RPAP1: variants seen among roughly 807,000 people sequenced by gnomAD.
RPAP1 encodes RNA polymerase II-associated protein 1.
RPAP1 carries 109 observed loss-of-function variants against 142.4 expected under a neutral mutation model. That is an observed-to-expected ratio of 0.77 (90% CI 0.66 to 0.90). The LOEUF is 0.90. Ranked by LOEUF, RPAP1 falls within the 40% of genes least tolerant of loss-of-function variation. The probability of loss-of-function intolerance (pLI) is 0.00; values close to 1 mark genes in which losing one functional copy is unlikely to be tolerated. For missense variants in RPAP1, 1,546 were observed against 1,751.7 expected, an observed-to-expected ratio of 0.88 and a Z score of 2.10; for synonymous variants, 704 against 738.9, an observed-to-expected ratio of 0.95 and a Z score of 0.77.
chr15:41,537,608 G>A (rs561120591), intron 1 of RPAP1, among the ~76,000 whole-genome samples: 4 of 152,314 alleles, frequency 2.6e-5, no homozygotes, highest in South Asian at 2.1e-4. Flanking sequence ...GTGGCCAGGC[G>A]CAGTGGCTCA....
intron 7 of RPAP1, 80 bp downstream of exon 7, chr15:41,530,943 C>T (rs761422096): frequency 1.3e-5 from 18 of 1,371,398 alleles, no homozygotes; most frequent in Admixed American, 2.1e-5. Flanking sequence ...CTTCTCTCTT[C>T]TCTCATTTGC....
chr15:41,535,929 A>C (rs2051901600), intron 4 of RPAP1, among the ~76,000 whole-genome samples, 200 bp downstream of exon 4: 1 of 152,208 alleles, frequency 6.6e-6, no homozygotes, highest in Admixed American at 6.5e-5. Context: ...AGGACTCCTC[A>C]TCCCCAAGGT....
In RPAP1 at chr15:41,537,167, A is replaced by G. The variant is rs765321222; in HGVS notation, c.-42T>C. 6 of 1,587,580 alleles carry G rather than the reference A, an allele frequency of 3.8e-6. No individual in the cohort carries two copies. Among genetic ancestry groups the G allele is most frequent in the Non-Finnish European group, 4.3e-6 (5 of 1,165,088 alleles). On this transcript the variant is annotated 5_prime_UTR_variant, in exon 2 of 25. Transcript: ENST00000304330. ...CCTCCCCAGTACGACTCTCTCCAGC[A>G]GTGTCTCCGTGTGGGGGTTCCCTCT...
chr15:41,533,626 C>T (rs1386063069), intron 6 of RPAP1, among the ~76,000 whole-genome samples: 1 of 151,814 alleles, frequency 6.6e-6, no homozygotes, highest in Non-Finnish European at 1.5e-5. Context: ...GTCAAGAGTT[C>T]GAAACCAGCC....
At chr15:41,526,683 A>G (rs2051793505) in intron 14 of RPAP1, among the ~76,000 whole-genome samples, 2 of 152,184 alleles carry the variant, frequency 1.3e-5, no homozygotes, top group Admixed American at 1.3e-4. Context: ...TTACATCATG[A>G]GACCACAGTA....
Position 41,521,813 on chromosome 15 carries a change from C to G in RPAP1, c.2963G>C (p.Ser988Thr). ...LYHGMALALL[S>T]RLLPGSEYLT... The stretch of plus-strand genomic sequence containing the variant: ...GTACTCACTTCCGGGCAGCAGCCGG[C>G]TCAGCAGGGCCAAGGCCATACCATG... Residue 988 changes from serine (S) to threonine (T), a missense_variant, in exon 21 of 25, where the codon AGC becomes ACC. Physicochemically the swap from Ser to Thr is moderately conservative, Grantham distance 58 (BLOSUM62 1). Coordinates refer to ENST00000304330, the MANE Select transcript of RPAP1 (RefSeq NM_015540.4). The G allele has an allele frequency of 6.2e-7, 1 of 1,614,170 alleles. No homozygotes were observed. Among genetic ancestry groups the G allele is most frequent in the Non-Finnish European group, 8.5e-7 (1 of 1,180,030 alleles).
chr15:41,539,638 C>T (rs1228738734), intron 1 of RPAP1, among the ~76,000 whole-genome samples: 1 of 152,076 alleles, frequency 6.6e-6, no homozygotes, highest in African/African-American at 2.4e-5. Flanking sequence ...CCATGTTGTA[C>T]AGGCTGGTCT....
chr15:41,519,460 C>T (rs2051702147), intron 22 of RPAP1: 1 of 152,168 alleles, frequency 6.6e-6, no homozygotes, highest in African/African-American at 2.4e-5. Context: ...ATCCGCCCAC[C>T]TCGGCCTCCC....
chr15:41,517,507 A>G lies in RPAP1; in HGVS notation c.*35T>C. 1 of 1,510,194 alleles carries G rather than the reference A, an allele frequency of 6.6e-7. No homozygotes were observed. The highest frequency in any genetic ancestry group is 8.9e-7 in the Non-Finnish European group (1 of 1,124,250). 93.5% of individuals were successfully genotyped at this position (1,510,194 alleles called of 1,614,324 possible). ...CATCTGTTGAAAGGCTGGATACAGG[A>G]CAACGTACCCATCTTTCCATCTATA... On this transcript the variant is annotated 3_prime_UTR_variant, in exon 25 of 25. Coordinates refer to ENST00000304330, the MANE Select transcript of RPAP1 (RefSeq NM_015540.4).
chr15:41,521,738 G>C lies in RPAP1; in HGVS notation c.3038C>G (p.Pro1013Arg). ...LSCVFRLEFLPERTSGGPEAA... is the reference protein window; with the variant it reads ...LSCVFRLEFLRERTSGGPEAA... ...TTGATGCCACCAACCAAGCACTTAC[G>C]GGAGGAACTCCAGCCGGAATACACA... is the stretch of plus-strand genomic sequence containing the variant. Residue 1013 changes from proline to arginine, a missense_variant and splice_region_variant, in exon 21 of 25, where the codon CCG becomes CGG. By Grantham distance (103) the Pro-to-Arg change is moderately radical (BLOSUM62 -2). This residue lies in a region of RPAP1 where 1,333 missense variants were observed against 1,486.6 expected (regional missense o/e 0.90). Transcript: ENST00000304330. 11 of 1,614,010 alleles carry C rather than the reference G, an allele frequency of 6.8e-6. No individual in the cohort carries two copies. Among genetic ancestry groups the C allele is most frequent in the Non-Finnish European group, 8.5e-6 (10 of 1,180,004 alleles).
intron 4 of RPAP1, among the ~76,000 whole-genome samples, chr15:41,535,917 T>A (rs1225842202): frequency 1.3e-5 from 2 of 152,186 alleles, no homozygotes; most frequent in African/African-American, 4.8e-5. Flanking sequence ...AAAATGGGAA[T>A]AAGGACTCCT....
chr15:41,519,660 GTTA>G (rs1007978393), intron 22 of RPAP1: 4 of 152,140 alleles, frequency 2.6e-5, no homozygotes, highest in Admixed American at 2.0e-4. Context: ...TTTTGCTTAT[GTTA>G]TTCTGTTAGG....
Position 41,529,927 on chromosome 15 carries a change from G to A in RPAP1, c.996C>T (p.Val332=), listed in dbSNP as rs543395677. The A allele has an allele frequency of 1.7e-5, 27 of 1,614,044 alleles. No homozygotes were observed. In the Admixed American group the frequency reaches 2.3e-4, roughly 14 times the overall value. ...GGGTCCAGTGGAGCTTCTCCAGCTC[G>A]ACAGTGTCCATGTGCAGCCATTCTT... The part of the protein sequence containing the change: ...PQKEWLHMDT[V]ELEKLHWTQD... Residue 332 remains valine, a synonymous_variant, in exon 8 of 25, where the codon GTC becomes GTT. Coordinates refer to ENST00000304330, the MANE Select transcript of RPAP1 (RefSeq NM_015540.4).
chr15:41,530,697 T>C (rs746694978), intron 7 of RPAP1, among the ~76,000 whole-genome samples: 6 of 152,136 alleles, frequency 3.9e-5, no homozygotes, highest in Non-Finnish European at 7.4e-5. Context: ...AACAGTGGGA[T>C]GGACAGAGCC....
chr15:41,535,401 G>A, intron 5 of RPAP1, 111 bp downstream of exon 5: 2 of 1,434,312 alleles, frequency 1.4e-6, no homozygotes, highest in Non-Finnish European at 1.9e-6. Flanking sequence ...GACTACTTGA[G>A]ATGGCTCAAA....
At chr15:41,542,525 A>G (rs1325467952) in intron 1 of RPAP1, among the ~76,000 whole-genome samples, 2 of 152,226 alleles carry the variant, frequency 1.3e-5, no homozygotes, top group Non-Finnish European at 2.9e-5. Context: ...TTTGGCATAG[A>G]ACTTGTATTA....
chr15:41,518,806 A>G (rs1039022314), intron 22 of RPAP1, among the ~76,000 whole-genome samples: 2 of 152,218 alleles, frequency 1.3e-5, no homozygotes, highest in Admixed American at 6.5e-5. Flanking sequence ...TCATCAGGCC[A>G]CTGCACTCTA....
intron 1 of RPAP1, among the ~76,000 whole-genome samples, chr15:41,542,236 A>G (rs2051978397): frequency 1.3e-5 from 2 of 152,210 alleles, no homozygotes; most frequent in African/African-American, 2.4e-5. Context: ...TACAGTTTAA[A>G]TGATGTCTCC....
In RPAP1 at chr15:41,536,597, C is replaced by T. The variant is rs771266397; in HGVS notation, c.234G>A (p.Arg78=). 4 of 1,614,144 alleles carry T rather than the reference C, an allele frequency of 2.5e-6. No individual in the cohort carries two copies. The highest frequency in any genetic ancestry group is 3.4e-6 in the Non-Finnish European group (4 of 1,180,038). ...ALVPSPPKRA[R]PSPGHCLPED... The stretch of plus-strand genomic sequence containing the variant: ...CAGGCAGGCAGTGGCCAGGGCTGGG[C>T]CTGGCTCTCTTTGGAGGAGAAGGGA... The change falls in exon 3 of 25, where the codon AGG becomes AGA. Residue 78 remains arginine (R), a synonymous_variant. Coordinates refer to ENST00000304330, the MANE Select transcript of RPAP1 (RefSeq NM_015540.4).
Sources: allele counts gnomAD v4.1 joint callset (sites outside exome capture counted in the v4.1 genomes callset), GRCh38; gene constraint gnomAD v4.1.1; regional missense constraint gnomAD v4.1.1; transcripts MANE v1.5; gene names NCBI Gene and HGNC (gene_info 2026-07-23, HGNC 2026-07-21).